Variants in SPTBN4 observed in about 807,000 individuals in gnomAD.
SPTBN4 encodes the protein spectrin beta, non-erythrocytic 4.
A neutral mutation model predicts 277.8 loss-of-function variants in SPTBN4; 96 were observed. The observed-to-expected ratio is 0.35, with a 90% confidence interval of 0.29 to 0.41. The LOEUF is 0.41. Ranked by LOEUF, SPTBN4 falls within the 10% of genes least tolerant of loss-of-function variation. The pLI is 1.00. For synonymous variants in SPTBN4, 1,481 were observed against 1,580.3 expected (o/e 0.94, Z 1.49); for missense variants, 3,006 against 3,595.7 (o/e 0.84, Z 4.19).
chr19:40,568,303 C>T (rs1429512420), intron 31 of SPTBN4, 21 bp downstream of exon 31: 1 of 1,580,840 alleles, frequency 6.3e-7, no homozygotes, highest in Admixed American at 1.8e-5. Context: ...CGCCTTATGA[C>T]CAGAAAGTGA....
At chr19:40,556,923 G>T in intron 25 of SPTBN4, 100 bp from the exon 26 acceptor site, 1 of 1,440,762 alleles carries the variant, frequency 6.9e-7, no homozygotes, top group Non-Finnish European at 9.2e-7. Flanking sequence ...GCAAGACTCT[G>T]TATCAAAAAG....
At position 40,568,063 on chromosome 19, in the gene SPTBN4, G is replaced by A; in HGVS notation, c.6737G>A (p.Arg2246Lys). ...SADRAEELPR[R>K]RRPERQESVD... is the part of the protein sequence containing the mutation. ...GATCGCGCGGAGGAGCTGCCCAGGA[G>A]GCGGCGGCCTGAGCGGCAAGAGTCA... is the stretch of plus-strand genomic sequence containing the variant. Residue 2246 changes from arginine to lysine, a missense_variant, in exon 31 of 36, where the codon AGG becomes AAG. This residue lies in a region of SPTBN4 where 630 missense variants were observed against 677.6 expected (regional missense o/e 0.93). Transcript: ENST00000598249. 6.4e-7 allele frequency: 1 copy of A among 1,559,138 alleles called. No homozygotes were observed. Among genetic ancestry groups the A allele is most frequent in the Non-Finnish European group, 8.7e-7 (1 of 1,152,278 alleles).
chr19:40,485,960 C>T (rs192922576), intron 2 of SPTBN4, among the ~76,000 whole-genome samples: 2 of 150,386 alleles, frequency 1.3e-5, no homozygotes, highest in Non-Finnish European at 3.0e-5. Context: ...TACAACTTCA[C>T]GCCCACTAGG....
Position 40,513,215 on chromosome 19 carries a change from G to A in SPTBN4, c.2426G>A (p.Arg809His), listed in dbSNP as rs748600268. ...GDFGHDEASS[R>H]RLARQHRALT... ...TTCGGCCACGACGAAGCTTCCAGCC[G>A]CCGCCTGGCGCGCCAGCACCGCGCG... The change falls in exon 14 of 36, where the codon CGC (arginine) becomes CAC (histidine). Residue 809 changes from arginine to histidine, a missense_variant. Arg to His is a conservative substitution (Grantham distance 29, BLOSUM62 0). Transcript: ENST00000598249. 2.1e-4 allele frequency: 310 copies of A among 1,503,930 alleles called. No individual in the cohort carries two copies. The highest frequency in any genetic ancestry group is 2.5e-4 in the Non-Finnish European group (288 of 1,134,256). 93.2% of individuals were successfully genotyped at this position (1,503,930 alleles called of 1,614,324 possible).
chr19:40,528,991 G>A lies in SPTBN4; in HGVS notation c.3858-50G>A, dbSNP rs750510445. 3.5e-5 allele frequency: 52 copies of A among 1,484,212 alleles called. 1 individual carries two copies. The highest frequency in any genetic ancestry group is 4.3e-5 in the Non-Finnish European group (46 of 1,065,226). 91.9% of individuals were successfully genotyped at this position (1,484,212 alleles called of 1,614,324 possible). A position where few individuals can be genotyped will look rare whatever the true frequency, so the allele number is the denominator to read the frequency against. The stretch of plus-strand genomic sequence containing the variant: ...CCCTCACAGTCCTACTGCCAGCGCC[G>A]CACCCCCCAACCCGGGGCCTTTCCC... On this transcript the variant is annotated intron_variant, in intron 17 of 35. Transcript: ENST00000598249.
rs1368696905 is a variant in SPTBN4, at chr19:40,534,296, C to A, written c.4312C>A (p.Pro1438Thr). 1.9e-6 allele frequency: 3 copies of A among 1,613,870 alleles called. No homozygotes were observed. The African/African-American group carries it at 4.0e-5, about 22-fold the overall frequency. The change falls in exon 20 of 36, where the codon CCT (proline) becomes ACT (threonine). Residue 1438 changes from proline to threonine, a missense_variant. Transcript: ENST00000598249. Reference sequence around the variant, plus strand: ...GGAGAGCCAGCTGCAAGACGTGGACCCTGGAGGAGACCTGGCCACTGTCAA... The same window carrying A: ...GGAGAGCCAGCTGCAAGACGTGGACACTGGAGGAGACCTGGCCACTGTCAA... ...HMESQLQDVD[P>T]GGDLATVNSQ...
chr19:40,512,803 G>C lies in SPTBN4; in HGVS notation c.2014G>C (p.Gly672Arg). Reference sequence around the variant, plus strand: ...GGAGCGTCTCCTGGAGGCTGCGGGCGGCGGCGGTGCGGCGGGCGCAGCGGG... The same window carrying C: ...GGAGCGTCTCCTGGAGGCTGCGGGCCGCGGCGGTGCGGCGGGCGCAGCGGG... ...DKERLLEAAGGGGAAGAAGAA... is the reference protein window; with the variant it reads ...DKERLLEAAGRGGAAGAAGAA... The change falls in exon 14 of 36, where the codon GGC becomes CGC. Residue 672 changes from glycine to arginine, a missense_variant. Gly to Arg is a moderately radical substitution (Grantham distance 125, BLOSUM62 -2). Transcript: ENST00000598249. 1 of 1,463,104 alleles carries C rather than the reference G, an allele frequency of 6.8e-7. No individual in the cohort carries two copies. Among genetic ancestry groups the C allele is most frequent in the Non-Finnish European group, 8.9e-7 (1 of 1,120,860 alleles). The allele number at this position is 1,463,104 out of a possible 1,614,324, so 90.6% of individuals were successfully genotyped here. A position where few individuals can be genotyped will look rare whatever the true frequency, so the allele number is the denominator to read the frequency against.
At chr19:40,488,679 G>A (rs1428010235) in intron 3 of SPTBN4, among the ~76,000 whole-genome samples, 2 of 152,084 alleles carry the variant, frequency 1.3e-5, no homozygotes, top group African/African-American at 4.8e-5. Flanking sequence ...GCGTGGTGGC[G>A]CAGGCCTGTA....
In SPTBN4 at chr19:40,515,478, C is replaced by T. The variant is rs762016111; in HGVS notation, c.2903+30C>T. 1.3e-5 allele frequency: 20 copies of T among 1,532,460 alleles called. No individual in the cohort carries two copies. The Admixed American group carries it at 1.4e-4, about 11-fold the overall frequency. 94.9% of individuals were successfully genotyped at this position (1,532,460 alleles called of 1,614,324 possible). On this transcript the variant is annotated intron_variant, in intron 15 of 35. Transcript: ENST00000598249. The surrounding 1 kb of genome is among the most constrained non-coding windows in gnomAD (Gnocchi z 4.1). ...GAGGGCCTGGGGCTGGGAGTCCCTCCCATCCTTCCCTTCCACACTCACACA... is the reference window on the plus strand; with the variant it reads ...GAGGGCCTGGGGCTGGGAGTCCCTCTCATCCTTCCCTTCCACACTCACACA...
chr19:40,567,923 G>A lies in SPTBN4; in HGVS notation c.6597G>A (p.Pro2199=), dbSNP rs748043385. 3.0e-5 allele frequency: 45 copies of A among 1,520,790 alleles called. No homozygotes were observed. The South Asian group carries it at 3.2e-4, about 11-fold the overall frequency. The allele number at this position is 1,520,790 out of a possible 1,614,324, so 94.2% of individuals were successfully genotyped here. A position where few individuals can be genotyped will look rare whatever the true frequency, so the allele number is the denominator to read the frequency against. The stretch of plus-strand genomic sequence containing the variant: ...GCATTGACCGGCTGCCGGAGATCCC[G>A]GGGAGGGTGGAGCCCGCGGCCCTGC... ...QPRIDRLPEI[P]GRVEPAALPA... The change falls in exon 31 of 36, where the codon CCG becomes CCA. Residue 2199 remains proline, a synonymous_variant. Coordinates refer to ENST00000598249, the MANE Select transcript of SPTBN4 (RefSeq NM_020971.3).
At chr19:40,493,128 A>G (rs905034795) in intron 5 of SPTBN4, 74 bp downstream of exon 5, 7 of 1,439,422 alleles carry the variant, frequency 4.9e-6, no homozygotes, top group African/African-American at 4.2e-5. Flanking sequence ...TTCCCAGACA[A>G]GAGCTCAAGG....
chr19:40,529,914 C>CA (rs1307190752), intron 18 of SPTBN4, among the ~76,000 whole-genome samples: 2 of 152,198 alleles, frequency 1.3e-5, no homozygotes, highest in African/African-American at 2.4e-5. Flanking sequence ...CCCTCAGCCT[C>CA]AATTAAAGAC....
intron 21 of SPTBN4, among the ~76,000 whole-genome samples, chr19:40,550,015 T>C (rs777599380): frequency 6.6e-6 from 1 of 151,990 alleles, no homozygotes; most frequent in Non-Finnish European, 1.5e-5. Context: ...TGGTGCCTGT[T>C]GTCCCAGCTA....
At chr19:40,531,464 GTTTTTTTTTTTTTTTTTTTTTT>G (rs71173645) in intron 18 of SPTBN4, among the ~76,000 whole-genome samples, 1 of 40,930 alleles carries the variant, frequency 2.4e-5, no homozygotes, top group East Asian at 1.4e-3. Flanking sequence ...TCCAGTGTTT[GTTTTTTTTTTTTTTTTTTTTTT>G]TTTTTTTTTT....
At position 40,519,264 on chromosome 19, in the gene SPTBN4, G is replaced by A. The variant is rs554489100; in HGVS notation, c.2904-137G>A. 6 of 869,290 alleles carry A rather than the reference G, an allele frequency of 6.9e-6. No homozygotes were observed. The Admixed American group carries it at 1.2e-4, about 18-fold the overall frequency. 53.8% of individuals were successfully genotyped at this position (869,290 alleles called of 1,614,324 possible). ...GCTGCGTAGGGTTCCATTTTACACC[G>A]GCAGAAACTGGAGAAACTTTCTGAG... On this transcript the variant is annotated intron_variant, in intron 15 of 35. Coordinates refer to ENST00000598249, the MANE Select transcript of SPTBN4 (RefSeq NM_020971.3). The surrounding 1 kb of genome is among the most constrained non-coding windows in gnomAD (Gnocchi z 5.7).
Position 40,503,000 on chromosome 19 carries a change from G to C in SPTBN4, c.1362+67G>C. 6.5e-7 allele frequency: 1 copy of C among 1,548,510 alleles called. No individual in the cohort carries two copies. Among genetic ancestry groups the C allele is most frequent in the Non-Finnish European group, 8.7e-7 (1 of 1,143,412 alleles). On this transcript the variant is annotated intron_variant, in intron 11 of 35. Coordinates refer to ENST00000598249, the MANE Select transcript of SPTBN4 (RefSeq NM_020971.3). This position sits in a 1 kb window ranked among gnomAD's most constrained non-coding sequence, Gnocchi z 4.9. ...GGCGGGGCTGATGGTCCTGGGACCA[G>C]AGAGGGAGACTTGATCTTCTAGGCA...
chr19:40,505,150 C>G (rs969558741), intron 12 of SPTBN4, among the ~76,000 whole-genome samples: 1 of 138,308 alleles, frequency 7.2e-6, no homozygotes, highest in African/African-American at 2.7e-5. Flanking sequence ...TTTGGGAGGC[C>G]GAGGTAGGCA....
chr19:40,493,122 C>A, intron 5 of SPTBN4, 68 bp downstream of exon 5: 1 of 1,465,054 alleles, frequency 6.8e-7, no homozygotes, highest in Non-Finnish European at 9.5e-7. Context: ...AATTCCTTCC[C>A]AGACAAGAGC....
chr19:40,550,850 G>C (rs1217365162), intron 22 of SPTBN4, among the ~76,000 whole-genome samples: 2 of 152,098 alleles, frequency 1.3e-5, no homozygotes, highest in Non-Finnish European at 2.9e-5. Flanking sequence ...TTTCTTCTTA[G>C]GCCAGTCCTC....
Sources: gnomAD v4.1 joint callset for allele counts (sites outside exome capture counted in the v4.1 genomes callset) on GRCh38, gnomAD v4.1.1 for gene constraint, gnomAD v4.1.1 regional missense constraint, Gnocchi (gnomAD v3.1) non-coding constraint, MANE v1.5 for transcripts, NCBI Gene and HGNC (gene_info 2026-07-23, HGNC 2026-07-21) for gene names.